CLSTN2: variants seen among roughly 807,000 people sequenced by gnomAD.
CLSTN2 encodes the protein calsyntenin 2, also known as calsyntenin-2.
A neutral mutation model predicts 101.2 loss-of-function variants in CLSTN2; 48 were observed. The observed-to-expected ratio is 0.47, with a 90% CI of 0.38 to 0.60. The LOEUF is 0.60. Among genes scored for constraint, CLSTN2 ranks in the 20% least tolerant of loss-of-function variants. The pLI is 0.00. For synonymous variants in CLSTN2, 481 were observed against 463.6 expected, an observed-to-expected ratio of 1.04 and a Z score of -0.48; for missense variants, 1,160 against 1,238.2, an observed-to-expected ratio of 0.94 and a Z score of 0.95.
chr3:140,064,441 A>G (rs2008264082), intron 1 of CLSTN2, among the ~76,000 whole-genome samples: 1 of 152,218 alleles, frequency 6.6e-6, no homozygotes, highest in Non-Finnish European at 1.5e-5. Context: ...TAGCACTTGT[A>G]ATTAAAATCA....
intron 1 of CLSTN2, among the ~76,000 whole-genome samples, chr3:140,028,868 T>G (rs576203648): frequency 6.6e-6 from 1 of 152,240 alleles, no homozygotes; most frequent in South Asian, 2.1e-4. Context: ...CGCTTCACTT[T>G]GACTGAAAAT....
rs1328571936 is a variant in CLSTN2 at position 140,532,379 on chromosome 3, C to A, written c.1400C>A (p.Thr467Asn). 1.2e-6 allele frequency: 2 copies of A among 1,613,350 alleles called. No individual in the cohort carries two copies. Among genetic ancestry groups the A allele is most frequent in the Non-Finnish European group, 1.7e-6 (2 of 1,179,546 alleles). ...ATCAATGTGGAGTTTCCTGTGGTAA[C>A]CTTATACATGGATGGAGCAACATAT... ...YVINVEFPVV[T>N]LYMDGATYEP... Residue 467 changes from threonine to asparagine, a missense_variant, in exon 9 of 17, where the codon ACC becomes AAC. Coordinates refer to ENST00000458420, the MANE Select transcript of CLSTN2 (RefSeq NM_022131.3).
intron 2 of CLSTN2, among the ~76,000 whole-genome samples, chr3:140,382,340 G>A (rs1000204319): frequency 6.6e-6 from 1 of 152,130 alleles, no homozygotes; most frequent in African/African-American, 2.4e-5. Context: ...AGTGGGTGCT[G>A]GACTGTTATG....
chr3:140,060,263 A>G (rs2008179593), intron 1 of CLSTN2, among the ~76,000 whole-genome samples: 1 of 152,164 alleles, frequency 6.6e-6, no homozygotes, highest in African/African-American at 2.4e-5. Flanking sequence ...ATGGTAGGAG[A>G]GTAAACTTGG....
intron 2 of CLSTN2, among the ~76,000 whole-genome samples, chr3:140,268,305 T>G (rs1218615457): frequency 6.6e-6 from 1 of 152,136 alleles, no homozygotes; most frequent in African/African-American, 2.4e-5. Context: ...ATTCTTTCAC[T>G]CAGCCCTTTT....
intron 13 of CLSTN2, 117 bp from the exon 14 acceptor site, chr3:140,562,694 C>T (rs1256221970): frequency 1.4e-5 from 15 of 1,107,672 alleles, no homozygotes; most frequent in South Asian, 3.1e-5. Context: ...TGAGCTCTTA[C>T]CCTCAACAAA....
chr3:140,003,005 C>T (rs2006879459), intron 1 of CLSTN2, among the ~76,000 whole-genome samples: 1 of 152,094 alleles, frequency 6.6e-6, no homozygotes, highest in South Asian at 2.1e-4. Flanking sequence ...GTGATTCCTC[C>T]AGTTTTATTC....
intron 1 of CLSTN2, among the ~76,000 whole-genome samples, chr3:140,157,570 G>T (rs1441331505): frequency 6.6e-6 from 1 of 152,048 alleles, no homozygotes; most frequent in African/African-American, 2.4e-5. Flanking sequence ...TATTTCTGTG[G>T]GATCACTTGT....
At chr3:140,496,692 A>G (rs1460945799) in intron 8 of CLSTN2, among the ~76,000 whole-genome samples, 1 of 152,168 alleles carries the variant, frequency 6.6e-6, no homozygotes. Context: ...AATTTTATCA[A>G]AGGCGCAGGG....
At chr3:139,950,209 T>G (rs1249569080) in intron 1 of CLSTN2, among the ~76,000 whole-genome samples, 1 of 152,156 alleles carries the variant, frequency 6.6e-6, no homozygotes, top group Non-Finnish European at 1.5e-5. Context: ...TAGGCTGGTT[T>G]GGTTCTGAGT....
At chr3:140,379,769 G>A (rs2087959559) in intron 2 of CLSTN2, among the ~76,000 whole-genome samples, 2 of 152,168 alleles carry the variant, frequency 1.3e-5, no homozygotes, top group Admixed American at 1.3e-4. Context: ...CTTGTAGGGT[G>A]TCTTTAATAA....
At chr3:140,302,914 T>A (rs2087074240) in intron 2 of CLSTN2, among the ~76,000 whole-genome samples, 2 of 152,180 alleles carry the variant, frequency 1.3e-5, no homozygotes, top group South Asian at 4.1e-4. Flanking sequence ...GCTAAAAGTG[T>A]GTCAGCCCCG....
At chr3:140,389,280 G>C (rs572790099) in intron 2 of CLSTN2, among the ~76,000 whole-genome samples, 2 of 152,024 alleles carry the variant, frequency 1.3e-5, no homozygotes, top group Admixed American at 1.3e-4. Flanking sequence ...TTATTCTGAC[G>C]TGCTCCCTCC....
At chr3:140,114,695 G>A (rs546595175) in intron 1 of CLSTN2, among the ~76,000 whole-genome samples, 1 of 151,948 alleles carries the variant, frequency 6.6e-6, no homozygotes, top group East Asian at 1.9e-4. Context: ...CTTAGAGGCA[G>A]GATATCATAT....
At chr3:140,248,555 A>G (rs927842151) in intron 2 of CLSTN2, among the ~76,000 whole-genome samples, 4 of 152,184 alleles carry the variant, frequency 2.6e-5, no homozygotes, top group African/African-American at 9.6e-5. Flanking sequence ...ACCTAGGAAG[A>G]CAATCGTTGG....
intron 5 of CLSTN2, among the ~76,000 whole-genome samples, chr3:140,422,430 C>A (rs1049639724): frequency 6.6e-6 from 1 of 152,148 alleles, no homozygotes; most frequent in African/African-American, 2.4e-5. Flanking sequence ...TCAGAAGCTG[C>A]CTGACATCAT....
intron 9 of CLSTN2, among the ~76,000 whole-genome samples, chr3:140,546,235 G>A (rs955580865): frequency 3.3e-5 from 5 of 152,220 alleles, no homozygotes; most frequent in African/African-American, 4.8e-5. Context: ...TCACTCACGA[G>A]AGCCCTCCAG....
intron 1 of CLSTN2, among the ~76,000 whole-genome samples, chr3:139,983,572 T>C (rs1935969174): frequency 6.6e-6 from 1 of 152,162 alleles, no homozygotes; most frequent in South Asian, 2.1e-4. Flanking sequence ...GTAATAACAC[T>C]GCTGTCTACT....
chr3:140,514,794 C>T (rs1234965089), intron 8 of CLSTN2, among the ~76,000 whole-genome samples: 2 of 152,072 alleles, frequency 1.3e-5, no homozygotes, highest in African/African-American at 4.8e-5. Context: ...ACCATGCCAA[C>T]ATCTATTTAT....
Sources: allele counts gnomAD v4.1 joint callset (sites outside exome capture counted in the v4.1 genomes callset), GRCh38; gene constraint gnomAD v4.1.1; transcripts MANE v1.5; gene names NCBI Gene and HGNC (gene_info 2026-07-23, HGNC 2026-07-21).